GYS1: variants seen among roughly 807,000 people sequenced by gnomAD.
GYS1 encodes the protein glycogen [starch] synthase, muscle.
GYS1 carries 60 observed loss-of-function variants against 89.1 expected under a neutral mutation model. That is an observed-to-expected ratio of 0.67 (90% CI 0.55 to 0.84). The LOEUF is 0.84. GYS1 is among the 40% of genes least tolerant of loss of function. GYS1 has a pLI of 0.00. For synonymous variants in GYS1, 366 were observed against 401.7 expected, an observed-to-expected ratio of 0.91 and a Z score of 1.06; for missense variants, 888 against 1,003.1, an observed-to-expected ratio of 0.89 and a Z score of 1.55.
chr19:48,986,252 C>T (rs1023049139), intron 3 of GYS1, among the ~76,000 whole-genome samples: 1 of 152,108 alleles, frequency 6.6e-6, no homozygotes, highest in Non-Finnish European at 1.5e-5. Context: ...GTGACTGCCT[C>T]CTCAGGGGTT....
intron 10 of GYS1, among the ~76,000 whole-genome samples, chr19:48,975,455 G>C (rs930264706): frequency 6.6e-5 from 10 of 151,982 alleles, no homozygotes; most frequent in Non-Finnish European, 1.2e-4. Context: ...AGCCGTGTTA[G>C]CAACTCCCTT....
intron 6 of GYS1, 147 bp from the exon 7 acceptor site, chr19:48,982,522 G>T: frequency 1.0e-6 from 1 of 955,042 alleles, no homozygotes; most frequent in Non-Finnish European, 1.7e-6. Flanking sequence ...GGGAGTTGTA[G>T]TTCTTCTCTT....
In GYS1 at chr19:48,968,318, G is replaced by A; in HGVS notation, c.*970C>T. 1 of 454,422 alleles carries A rather than the reference G, an allele frequency of 2.2e-6. No individual in the cohort carries two copies. The highest frequency in any genetic ancestry group is 4.4e-6 in the Non-Finnish European group (1 of 226,768). 28.1% of individuals were successfully genotyped at this position (454,422 alleles called of 1,614,324 possible). On this transcript the variant is annotated 3_prime_UTR_variant, in exon 16 of 16. Transcript: ENST00000323798. ...GATGGAAGAGCCTCGAGGTAAATGT[G>A]GGGGTTCTAGAACCCAGTGACCTCA...
intron 10 of GYS1, among the ~76,000 whole-genome samples, chr19:48,976,736 T>C (rs1600137460): frequency 6.6e-6 from 1 of 152,096 alleles, no homozygotes; most frequent in African/African-American, 2.4e-5. Flanking sequence ...TTTATGGCTG[T>C]CTTGACCTTT....
At position 48,968,973 on chromosome 19, in the gene GYS1, G is replaced by T. The variant is rs531749604; in HGVS notation, c.*315C>A. ...CCCAGACCTGAAAGCACCATGCCAG[G>T]TTTCCTAAAACCTCTGGCACCACCG... On this transcript the variant is annotated 3_prime_UTR_variant, in exon 16 of 16. Transcript: ENST00000323798. 1.9e-5 allele frequency: 11 copies of T among 586,632 alleles called. No individual in the cohort carries two copies. Among genetic ancestry groups the T allele is most frequent in the South Asian group, 1.5e-4 (10 of 65,698 alleles). The allele number at this position is 586,632 out of a possible 1,614,324, so 36.3% of individuals were successfully genotyped here.
At position 48,979,336 on chromosome 19, in the gene GYS1, C is replaced by CTTTTTTTTTTTTTTTTTTT. The variant is rs777178030; in HGVS notation, c.1170-1198_1170-1180dup. ...TTTGTCTCTTTTTCTTTTTTCTTTTCTTTTTTTTTTTTTTTTTTTTTTTTT... is the reference window on the plus strand; with the variant it reads ...TTTGTCTCTTTTTCTTTTTTCTTTTCTTTTTTTTTTTTTTTTTTTTTTTTTTTTTTTTTTTTTTTTTTTT... On this transcript the variant is annotated intron_variant, in intron 8 of 15. Transcript: ENST00000323798. 6.3e-3 allele frequency among the ~76,000 whole-genome samples: 584 copies of CTTTTTTTTTTTTTTTTTTT among 92,402 alleles called. 59 individuals are homozygous for CTTTTTTTTTTTTTTTTTTT. Among genetic ancestry groups the CTTTTTTTTTTTTTTTTTTT allele is most frequent in the Non-Finnish European group, 9.1e-3 (408 of 44,676 alleles). 60.6% of individuals were successfully genotyped at this position (92,402 alleles called of 152,430 possible). A position where few individuals can be genotyped will look rare whatever the true frequency, so the allele number is the denominator to read the frequency against.
At position 48,969,609 on chromosome 19, in the gene GYS1, G is replaced by C; in HGVS notation, c.1893C>G (p.Ala631=). Reference sequence around the variant, plus strand: ...CTGGCCGTGGGTAGCGGTACCCCTGGGCCTGCATACGGCGATGTGGGTGCA... The same window carrying C: ...CTGGCCGTGGGTAGCGGTACCCCTGCGCCTGCATACGGCGATGTGGGTGCA... ...FTYEPNEADA[A]QGYRYPRPAS... is the part of the protein sequence containing the mutation. Residue 631 remains alanine (A), a splice_region_variant and synonymous_variant, in exon 16 of 16, where the codon GCC becomes GCG. Transcript: ENST00000323798. 1 of 1,540,966 alleles carries C rather than the reference G, an allele frequency of 6.5e-7. No individual in the cohort carries two copies. The highest frequency in any genetic ancestry group is 8.7e-7 in the Non-Finnish European group (1 of 1,148,586).
At chr19:48,970,776 TG>T in intron 13 of GYS1, 67 bp from the exon 14 acceptor site, 1 of 1,523,086 alleles carries the variant, frequency 6.6e-7, no homozygotes, top group South Asian at 1.1e-5. Context: ...CAGGACTCTG[TG>T]GCACCAGGAC....
At position 48,985,612 on chromosome 19, in the gene GYS1, G is replaced by A; in HGVS notation, c.679-7C>T. 6.2e-7 allele frequency: 1 copy of A among 1,613,946 alleles called. No homozygotes were observed. Among genetic ancestry groups the A allele is most frequent in the East Asian group, 2.2e-5 (1 of 44,888 alleles). ...CTTCCTTGTCCACGTTGAACTGGGTGGGAGGGGACAGCAGTCCGGTTAGAA... is the reference window on the plus strand; with the variant it reads ...CTTCCTTGTCCACGTTGAACTGGGTAGGAGGGGACAGCAGTCCGGTTAGAA... On this transcript the variant is annotated splice_region_variant and splice_polypyrimidine_tract_variant and intron_variant, in intron 4 of 15. Coordinates refer to ENST00000323798, the MANE Select transcript of GYS1 (RefSeq NM_002103.5).
chr19:48,969,622 C>A lies in GYS1; in HGVS notation c.1891-11G>T. 6.5e-7 allele frequency: 1 copy of A among 1,546,746 alleles called. No homozygotes were observed. The highest frequency in any genetic ancestry group is 8.7e-7 in the Non-Finnish European group (1 of 1,151,646). On this transcript the variant is annotated splice_polypyrimidine_tract_variant and intron_variant, in intron 15 of 15. Coordinates refer to ENST00000323798, the MANE Select transcript of GYS1 (RefSeq NM_002103.5). Reference sequence around the variant, plus strand: ...GCGGTACCCCTGGGCCTGCATACGGCGATGTGGGTGCAAACCAGGGTGAGC... The same window carrying A: ...GCGGTACCCCTGGGCCTGCATACGGAGATGTGGGTGCAAACCAGGGTGAGC...
At chr19:48,984,724 T>C (rs2038815256) in intron 5 of GYS1, among the ~76,000 whole-genome samples, 1 of 151,868 alleles carries the variant, frequency 6.6e-6, no homozygotes, top group Non-Finnish European at 1.5e-5. Context: ...AATAGGTTTG[T>C]ATTAAAATTA....
rs5451 is a variant in GYS1, at chr19:48,969,576, C to A, written c.1926G>T (p.Val642=). The change falls in exon 16 of 16, where the codon GTG becomes GTT. Residue 642 remains valine, a synonymous_variant. Coordinates refer to ENST00000323798, the MANE Select transcript of GYS1 (RefSeq NM_002103.5). ...QGYRYPRPAS[V]PPSPSLSRHS... is the part of the protein sequence containing the mutation. ...GTCGTGACAGCGAGGGCGACGGTGG[C>A]ACCGAGGCTGGCCGTGGGTAGCGGT... The A allele has an allele frequency of 1.3e-6, 2 of 1,538,474 alleles. No homozygotes were observed. The highest frequency in any genetic ancestry group is 1.7e-6 in the Non-Finnish European group (2 of 1,146,966).
chr19:48,985,335 C>A, intron 5 of GYS1, 126 bp downstream of exon 5: 1 of 970,640 alleles, frequency 1.0e-6, no homozygotes, highest in East Asian at 2.6e-5. Flanking sequence ...CCATGCCCAG[C>A]CGAAATACGT....
chr19:48,970,833 C>T, intron 13 of GYS1, 95 bp downstream of exon 13: 1 of 1,391,052 alleles, frequency 7.2e-7, no homozygotes, highest in Non-Finnish European at 1.0e-6. Flanking sequence ...TCCTGGTGCC[C>T]CTGGTCTCCA....
At chr19:48,972,702 C>A (rs1179312742) in intron 12 of GYS1, among the ~76,000 whole-genome samples, 3 of 152,102 alleles carry the variant, frequency 2.0e-5, no homozygotes, top group Non-Finnish European at 4.4e-5. Flanking sequence ...TGGTCTCAAA[C>A]TCATGTCCTC....
intron 8 of GYS1, among the ~76,000 whole-genome samples, chr19:48,980,495 A>T (rs1345377070): frequency 6.6e-6 from 1 of 151,918 alleles, no homozygotes; most frequent in Non-Finnish European, 1.5e-5. Context: ...CGGTGCTAAA[A>T]ATATAAAAAT....
At chr19:48,982,438 C>T (rs1378211020) in intron 6 of GYS1, 63 bp from the exon 7 acceptor site, 3 of 1,602,654 alleles carry the variant, frequency 1.9e-6, no homozygotes, top group Non-Finnish European at 2.6e-6. Context: ...GGCCTCAAAA[C>T]TACAAATCCC....
intron 2 of GYS1, among the ~76,000 whole-genome samples, chr19:48,989,382 C>T (rs1273204488): frequency 5.3e-5 from 8 of 150,612 alleles, no homozygotes; most frequent in Non-Finnish European, 7.4e-5. Context: ...CTTGGGAGGC[C>T]GAGGCAGGAG....
chr19:48,990,862 G>A (rs1234876496), intron 2 of GYS1, among the ~76,000 whole-genome samples: 3 of 152,206 alleles, frequency 2.0e-5, no homozygotes, highest in South Asian at 2.1e-4. Context: ...TGGCCCAATC[G>A]CAGCTCACTG....
Sources: gnomAD v4.1 joint callset for allele counts (sites outside exome capture counted in the v4.1 genomes callset) on GRCh38, gnomAD v4.1.1 for gene constraint, MANE v1.5 for transcripts, NCBI Gene and HGNC (gene_info 2026-07-23, HGNC 2026-07-21) for gene names.